Variants in STAG2 observed in about 807,000 individuals in gnomAD.
STAG2 encodes cohesin subunit SA-2.
STAG2 carries 14 observed loss-of-function variants against 108.1 expected under a neutral mutation model. That is an observed-to-expected ratio of 0.13 (90% confidence interval 0.09 to 0.20). STAG2 has a LOEUF of 0.20. STAG2 is among the 10% of genes least tolerant of loss of function. STAG2 has a pLI of 1.00. For synonymous variants in STAG2, 307 were observed against 302.7 expected, an observed-to-expected ratio of 1.01 and a Z score of -0.15; for missense variants, 440 against 940.9, an observed-to-expected ratio of 0.47 and a Z score of 6.96.
chrX:123,961,664 T>C (rs1569483836), upstream of STAG2: 1 of 92,272 alleles, frequency 1.1e-5, no homozygotes, highest in African/African-American at 4.0e-5. Context: ...CCCCCTCCCT[T>C]CTCCCTTCCC....
chrX:124,056,272 T>C, intron 14 of STAG2, 37 bp downstream of exon 14: 1 of 995,004 alleles, frequency 1.0e-6, no homozygotes, highest in Non-Finnish European at 1.4e-6. Flanking sequence ...TTCTAAGGCA[T>C]ACTTTCATAA....
At chrX:124,033,994 C>A (rs1444217950) in intron 5 of STAG2, among the ~76,000 whole-genome samples, 1 of 111,072 alleles carries the variant, frequency 9.0e-6, no homozygotes, top group East Asian at 2.8e-4. Flanking sequence ...TCTATAGGCT[C>A]CACTTCTTAA....
At chrX:124,098,271 GT>G (rs759574520) in intron 34 of STAG2, among the ~76,000 whole-genome samples, 1 of 111,279 alleles carries the variant, frequency 9.0e-6, no homozygotes, top group East Asian at 2.8e-4. Flanking sequence ...TATAACTGTA[GT>G]TTTATAGCAT....
At chrX:124,020,395 C>G (rs1027515) in intron 1 of STAG2, among the ~76,000 whole-genome samples, 53,648 of 111,173 alleles carry the variant, frequency 0.48, 10,372 homozygotes, top group Non-Finnish European at 0.61. Flanking sequence ...TCTAGATGAC[C>G]TGACCTGTTC....
chrX:124,096,827 C>T (rs2059390038), intron 34 of STAG2, among the ~76,000 whole-genome samples: 1 of 111,978 alleles, frequency 8.9e-6, no homozygotes, highest in Admixed American at 9.5e-5. Context: ...TCATAATCTG[C>T]TTTCAGATAG....
At chrX:124,009,051 T>A (rs990050116) in intron 1 of STAG2, among the ~76,000 whole-genome samples, 1 of 111,862 alleles carries the variant, frequency 8.9e-6, no homozygotes, top group Non-Finnish European at 1.9e-5. Flanking sequence ...CTTTCAAGTC[T>A]ATCCAAAACA....
At chrX:124,084,006 G>C (rs915010171) in intron 29 of STAG2, among the ~76,000 whole-genome samples, 18 of 111,499 alleles carry the variant, frequency 1.6e-4, no homozygotes, top group South Asian at 3.7e-4. Context: ...AATCCATCAG[G>C]AACATCCTTT....
chrX:124,093,054 G>A (rs2059292356), intron 32 of STAG2, among the ~76,000 whole-genome samples: 2 of 111,510 alleles, frequency 1.8e-5, no homozygotes, highest in Admixed American at 9.6e-5. Context: ...CTGTGGGGGT[G>A]TCTTTGGATG....
chrX:124,048,893 A>G (rs762291118), intron 9 of STAG2, 112 bp from the exon 10 acceptor site: 53 of 564,176 alleles, frequency 9.4e-5, no homozygotes, highest in Non-Finnish European at 1.5e-4. Flanking sequence ...TATAATTCAA[A>G]ATTCCCCAAA....
intron 26 of STAG2, among the ~76,000 whole-genome samples, chrX:124,077,343 A>G (rs2058826256): frequency 9.0e-6 from 1 of 110,830 alleles, no homozygotes; most frequent in South Asian, 3.8e-4. Flanking sequence ...TACTAGTCAT[A>G]GGGACGTGGT....
intron 1 of STAG2, among the ~76,000 whole-genome samples, chrX:124,008,003 G>A (rs1192328905): frequency 9.0e-6 from 1 of 111,223 alleles, no homozygotes; most frequent in African/African-American, 3.3e-5. Context: ...CAGGTGAAAT[G>A]CAGTTGAATA....
At chrX:124,003,531 C>T (rs1249824425) in intron 1 of STAG2, 1 of 110,503 alleles carries the variant, frequency 9.0e-6, no homozygotes, top group African/African-American at 3.3e-5. Context: ...AAGCGATTCT[C>T]CTGCCTCAGC....
At chrX:124,015,660 A>G (rs1035311236) in intron 1 of STAG2, among the ~76,000 whole-genome samples, 3 of 112,098 alleles carry the variant, frequency 2.7e-5, no homozygotes, top group Admixed American at 9.5e-5. Flanking sequence ...GGTGGGAGCC[A>G]CCACACCCGG....
At chrX:123,985,554 G>A (rs1268614907) in intron 1 of STAG2, among the ~76,000 whole-genome samples, 1 of 110,525 alleles carries the variant, frequency 9.0e-6, no homozygotes, top group Non-Finnish European at 1.9e-5. Context: ...CTTTAGGGAG[G>A]GAGGTCTTAT....
At chrX:124,075,952 T>C (rs1183379200) in intron 25 of STAG2, among the ~76,000 whole-genome samples, 1 of 111,419 alleles carries the variant, frequency 9.0e-6, no homozygotes, top group Non-Finnish European at 1.9e-5. Flanking sequence ...GGATCATCCT[T>C]GGAAGGGATA....
chrX:123,985,808 G>A (rs1417739800), intron 1 of STAG2, among the ~76,000 whole-genome samples: 1 of 108,663 alleles, frequency 9.2e-6, no homozygotes, highest in African/African-American at 3.4e-5. Context: ...GAACTCCTGG[G>A]CTTAAGCCAT....
At chrX:124,027,426 A>G (rs765773239) in intron 4 of STAG2, among the ~76,000 whole-genome samples, 4 of 112,078 alleles carry the variant, frequency 3.6e-5, no homozygotes, top group Non-Finnish European at 7.5e-5. Flanking sequence ...CCTTAATTCT[A>G]TTGGACAGTA....
intron 11 of STAG2, 133 bp downstream of exon 11, chrX:124,050,442 C>T: frequency 1.4e-6 from 1 of 715,999 alleles, no homozygotes; most frequent in Non-Finnish European, 1.9e-6. Flanking sequence ...TCTTTTCTAT[C>T]TTCTCTGTAA....
chrX:123,976,962 C>T (rs1019719219), intron 1 of STAG2, among the ~76,000 whole-genome samples: 7 of 112,021 alleles, frequency 6.2e-5, no homozygotes, highest in Non-Finnish European at 9.4e-5. Context: ...ATGGAAAAGA[C>T]AGAGGAGGAA....
Sources: gnomAD v4.1 joint callset for allele counts (sites outside exome capture counted in the v4.1 genomes callset) on GRCh38, gnomAD v4.1.1 for gene constraint, MANE v1.5 for transcripts, NCBI Gene and HGNC (gene_info 2026-07-23, HGNC 2026-07-21) for gene names.